Variants in COBL observed in about 807,000 individuals in gnomAD.
COBL encodes cordon-bleu WH2 repeat protein.
COBL carries 51 observed loss-of-function variants against 98.8 expected under a neutral mutation model. The observed-to-expected ratio is 0.52, with a 90% CI of 0.41 to 0.65. COBL has a LOEUF of 0.65. Among genes scored for constraint, COBL ranks in the 30% least tolerant of loss-of-function variants. COBL has a pLI of 0.00. For synonymous variants in COBL, 634 were observed against 651.7 expected (o/e 0.97, Z 0.41); for missense variants, 1,617 against 1,617.5 (o/e 1.00, Z 0.01).
chr7:51,026,514 C>A (rs1163158047), intron 11 of COBL, 32 bp downstream of exon 11: 1 of 1,608,646 alleles, frequency 6.2e-7, no homozygotes, highest in Admixed American at 1.7e-5. Context: ...GGTTTGAGCT[C>A]CTGGCGCCAT....
intron 2 of COBL, among the ~76,000 whole-genome samples, chr7:51,208,177 G>A (rs1177397264): frequency 6.6e-6 from 1 of 151,378 alleles, no homozygotes; most frequent in Admixed American, 6.6e-5. Context: ...TGAGAAGAGA[G>A]GAGACCCTCT....
At chr7:51,206,439 C>T (rs1396730737) in intron 2 of COBL, among the ~76,000 whole-genome samples, 6 of 150,986 alleles carry the variant, frequency 4.0e-5, no homozygotes, top group African/African-American at 7.4e-5. Flanking sequence ...TTGCACTGAG[C>T]CGAGATCGCG....
chr7:51,240,909 C>A (rs1160275491), intron 1 of COBL, among the ~76,000 whole-genome samples: 1 of 152,166 alleles, frequency 6.6e-6, no homozygotes, highest in Non-Finnish European at 1.5e-5. Context: ...CCACCCTTTC[C>A]TCGGAGAGCT....
chr7:51,058,232 C>T (rs781731328), intron 7 of COBL, among the ~76,000 whole-genome samples: 4 of 152,020 alleles, frequency 2.6e-5, no homozygotes, highest in Non-Finnish European at 4.4e-5. Flanking sequence ...ATTAAAGACA[C>T]ATTTTTCTCC....
At chr7:51,126,098 T>C (rs1798179181) in intron 6 of COBL, among the ~76,000 whole-genome samples, 1 of 152,114 alleles carries the variant, frequency 6.6e-6, no homozygotes, top group Admixed American at 6.5e-5. Flanking sequence ...GAGGCCGAGG[T>C]GAACAGATTA....
intron 5 of COBL, among the ~76,000 whole-genome samples, chr7:51,151,469 A>G (rs1043031554): frequency 2.4e-4 from 37 of 152,260 alleles, no homozygotes; most frequent in African/African-American, 8.4e-4. Context: ...GAGTCTCCCC[A>G]TAAGATATTA....
chr7:51,126,739 T>A (rs550557767), intron 6 of COBL, among the ~76,000 whole-genome samples: 32 of 152,216 alleles, frequency 2.1e-4, no homozygotes, highest in African/African-American at 7.7e-4. Flanking sequence ...TCCCAGAGGA[T>A]CTGCCTGGCT....
At chr7:51,093,271 T>C (rs750710365) in intron 6 of COBL, among the ~76,000 whole-genome samples, 3 of 151,974 alleles carry the variant, frequency 2.0e-5, no homozygotes, top group Non-Finnish European at 2.9e-5. Flanking sequence ...AACATACATA[T>C]GAAAAAATGT....
rs189388929 is a variant in COBL at position 51,114,702 on chromosome 7, T to C, written c.957+21456A>G. 2.0e-5 allele frequency among the ~76,000 whole-genome samples: 3 copies of C among 152,322 alleles called. No individual in the cohort carries two copies. In the East Asian group the frequency reaches 5.8e-4, roughly 29 times the overall value. ...AGATTGTCACAAGGCCAGTTCCTCC[T>C]AAGCATTTATTCCTTAGCACAGAGC... On this transcript the variant is annotated intron_variant, in intron 6 of 12. Transcript: ENST00000265136.
At chr7:51,020,188 T>C (rs187879654) in intron 12 of COBL, among the ~76,000 whole-genome samples, 2 of 152,302 alleles carry the variant, frequency 1.3e-5, no homozygotes, top group East Asian at 3.9e-4. Context: ...AGAAGTCACT[T>C]ATGATGTCTG....
chr7:51,084,149 A>G (rs1259688439), intron 7 of COBL, among the ~76,000 whole-genome samples: 1 of 152,200 alleles, frequency 6.6e-6, no homozygotes, highest in East Asian at 1.9e-4. Context: ...AAATGCTAAC[A>G]CATTAAAAGC....
chr7:51,305,499 T>C (rs1315579465), intron 1 of COBL, among the ~76,000 whole-genome samples: 1 of 152,234 alleles, frequency 6.6e-6, no homozygotes, highest in Non-Finnish European at 1.5e-5. Context: ...GGTATAATCT[T>C]CCAACTTGGT....
chr7:51,043,552 G>A lies in COBL; in HGVS notation c.1237C>T (p.Pro413Ser). The A allele has an allele frequency of 6.2e-7, 1 of 1,614,200 alleles. No individual in the cohort carries two copies. The highest frequency in any genetic ancestry group is 8.5e-7 in the Non-Finnish European group (1 of 1,180,032). The change falls in exon 8 of 13, where the codon CCC becomes TCC. Residue 413 changes from proline to serine, a missense_variant. By Grantham distance (74) the Pro-to-Ser change is moderately conservative. Around this residue, in one of 3 missense-constraint regions of COBL, gnomAD observed 1,304 missense variants for 1,282.0 expected, o/e 1.02. Transcript: ENST00000265136. ...GAGTCCAGAGAGACGATGTCTGAGG[G>A]GGAACTCATCACTCCTGAGTCCTCG... ...TTEDSGVMSS[P>S]SDIVSLDSQQ...
At chr7:51,281,815 T>C (rs370284065) in intron 1 of COBL, among the ~76,000 whole-genome samples, 4 of 152,244 alleles carry the variant, frequency 2.6e-5, no homozygotes, top group East Asian at 3.9e-4. Context: ...AGAAATAGTA[T>C]GGAAAGAAAA....
intron 4 of COBL, among the ~76,000 whole-genome samples, chr7:51,187,331 T>TATATATATATAC (rs1554421096): frequency 4.9e-5 from 5 of 101,452 alleles, no homozygotes; most frequent in South Asian, 2.9e-4. Flanking sequence ...TATATATATA[T>TATATATATATAC]ACACACACAC....
intron 5 of COBL, among the ~76,000 whole-genome samples, chr7:51,144,138 C>T (rs1034677659): frequency 6.6e-6 from 1 of 152,186 alleles, no homozygotes; most frequent in African/African-American, 2.4e-5. Flanking sequence ...TGAGCTGACA[C>T]CTGCCAGGTG....
At chr7:51,157,642 T>C (rs1466377920) in intron 5 of COBL, among the ~76,000 whole-genome samples, 3 of 152,158 alleles carry the variant, frequency 2.0e-5, no homozygotes, top group African/African-American at 7.2e-5. Flanking sequence ...CCTTATTTTT[T>C]CCCCCTCAAT....
chr7:51,030,709 T>C, intron 9 of COBL, 103 bp downstream of exon 9: 1 of 763,344 alleles, frequency 1.3e-6, no homozygotes, highest in Admixed American at 2.4e-5. Flanking sequence ...TTCTGAAGGC[T>C]GTTTCCTCAC....
intron 6 of COBL, among the ~76,000 whole-genome samples, chr7:51,119,715 T>G (rs995665426): frequency 6.6e-6 from 1 of 152,216 alleles, no homozygotes. Context: ...ATTATTCCCA[T>G]GACAAAACCA....
Sources: gnomAD v4.1 joint callset for allele counts (sites outside exome capture counted in the v4.1 genomes callset) on GRCh38, gnomAD v4.1.1 for gene constraint, gnomAD v4.1.1 regional missense constraint, MANE v1.5 for transcripts, NCBI Gene and HGNC (gene_info 2026-07-23, HGNC 2026-07-21) for gene names.